HADHA: variants seen among roughly 807,000 people sequenced by gnomAD.
HADHA encodes hydroxyacyl-CoA dehydrogenase trifunctional multienzyme complex subunit alpha, also known as trifunctional enzyme subunit alpha, mitochondrial.
HADHA carries 59 observed loss-of-function variants against 91.3 expected under a neutral mutation model. The ratio of observed to expected loss-of-function variants is 0.65; its 90% CI spans 0.52 to 0.80. The LOEUF (loss-of-function observed/expected upper bound fraction) is 0.80. Among genes scored for constraint, HADHA ranks in the 30% least tolerant of loss-of-function variants. The probability of loss-of-function intolerance (pLI) is 0.00; values close to 1 mark genes in which losing one functional copy is unlikely to be tolerated. For synonymous variants in HADHA, 320 were observed against 338.9 expected (o/e 0.94, Z 0.61); for missense variants, 800 against 927.6 (o/e 0.86, Z 1.79).
chr2:26,221,288 G>A lies in HADHA; in HGVS notation c.677-6113C>T, dbSNP rs1296514790. Among the ~76,000 whole-genome samples, 1 of 152,150 alleles carries A rather than the reference G, an allele frequency of 6.6e-6. No individual in the cohort carries two copies. The highest frequency in any genetic ancestry group is 1.5e-5 in the Non-Finnish European group (1 of 68,026). The stretch of plus-strand genomic sequence containing the variant: ...GCAGCAGACAGAGGTGCTGTCTGGA[G>A]TCTTTAATAGATCTCTATTAGGTGA... On this transcript the variant is annotated intron_variant, in intron 7 of 19. Coordinates refer to ENST00000380649, the MANE Select transcript of HADHA (RefSeq NM_000182.5). The surrounding 1 kb of genome is among the most constrained non-coding windows in gnomAD (Gnocchi z 4.8).
At chr2:26,222,390 C>T (rs1360274984) in intron 7 of HADHA, among the ~76,000 whole-genome samples, 1 of 152,100 alleles carries the variant, frequency 6.6e-6, no homozygotes, top group African/African-American at 2.4e-5. Context: ...ACAAGGACAC[C>T]TGGGGAATAG....
rs573915726 is a variant in HADHA at position 26,216,803 on chromosome 2, C to A, written c.677-1628G>T. On this transcript the variant is annotated intron_variant, in intron 7 of 19. Coordinates refer to ENST00000380649, the MANE Select transcript of HADHA (RefSeq NM_000182.5). ...GCAGCTGCTGCACAACAGGAGAGCT[C>A]CAGAGCTCTAAAGAGCGGTCCTTGA... Among the ~76,000 whole-genome samples the A allele has an allele frequency of 2.0e-5, 3 of 152,266 alleles. No individual in the cohort carries two copies. In the East Asian group the frequency reaches 5.8e-4, roughly 29 times the overall value.
At chr2:26,191,879 C>CTT (rs991352957) in intron 18 of HADHA, among the ~76,000 whole-genome samples, 5 of 152,218 alleles carry the variant, frequency 3.3e-5, no homozygotes, top group Non-Finnish European at 5.9e-5. Context: ...ATCAGTATCT[C>CTT]TTTGACATCA....
In HADHA at chr2:26,191,110, G is replaced by A. The variant is rs1032145335; in HGVS notation, c.*140C>T. The A allele has an allele frequency of 3.7e-6, 3 of 803,908 alleles. No individual in the cohort carries two copies. The highest frequency in any genetic ancestry group is 6.3e-6 in the Non-Finnish European group (3 of 474,780). 49.8% of individuals were successfully genotyped at this position (803,908 alleles called of 1,614,324 possible). On this transcript the variant is annotated 3_prime_UTR_variant, in exon 20 of 20. Coordinates refer to ENST00000380649, the MANE Select transcript of HADHA (RefSeq NM_000182.5). ...GGAGGGAGAGATGGTCTTGGCTGAAGGCACTTTAATCAGGGAGCAAACCCA... is the reference window on the plus strand; with the variant it reads ...GGAGGGAGAGATGGTCTTGGCTGAAAGCACTTTAATCAGGGAGCAAACCCA...
intron 11 of HADHA, among the ~76,000 whole-genome samples, chr2:26,209,559 T>C (rs1485928679): frequency 6.6e-6 from 1 of 152,134 alleles, no homozygotes; most frequent in African/African-American, 2.4e-5. Flanking sequence ...CAAGAAAGCC[T>C]CTATAGGAAT....
chr2:26,216,508 A>G (rs1267464461), intron 7 of HADHA, among the ~76,000 whole-genome samples: 2 of 151,888 alleles, frequency 1.3e-5, no homozygotes, highest in Non-Finnish European at 2.9e-5. Flanking sequence ...TTTAGTAGAG[A>G]TGGGGTTTCA....
At chr2:26,193,501 G>A (rs745669641) in intron 17 of HADHA, 76 bp downstream of exon 17, 13 of 1,218,564 alleles carry the variant, frequency 1.1e-5, no homozygotes, top group African/African-American at 1.5e-5. Context: ...GAGGGCTTCT[G>A]TAACTCTTTG....
At chr2:26,198,369 G>GTTT (rs57357827) in intron 13 of HADHA, among the ~76,000 whole-genome samples, 6 of 147,000 alleles carry the variant, frequency 4.1e-5, no homozygotes, top group African/African-American at 1.3e-4. Context: ...ACTTATTCAT[G>GTTT]TTTTTTTTTT....
intron 12 of HADHA, among the ~76,000 whole-genome samples, chr2:26,202,288 A>T (rs1401310495): frequency 2.0e-5 from 3 of 152,210 alleles, no homozygotes; most frequent in Non-Finnish European, 4.4e-5. Context: ...TTTCGTCGCC[A>T]AGGGAAACAG....
At chr2:26,233,538 T>C (rs1335450578) in intron 5 of HADHA, among the ~76,000 whole-genome samples, 1 of 152,186 alleles carries the variant, frequency 6.6e-6, no homozygotes, top group Non-Finnish European at 1.5e-5. Flanking sequence ...TTCTATTATT[T>C]ACCGTCTTTA....
chr2:26,214,254 C>T lies in HADHA; in HGVS notation c.918+189G>A, dbSNP rs1670165591. On this transcript the variant is annotated intron_variant, in intron 9 of 19. Transcript: ENST00000380649. This position sits in a 1 kb window ranked among gnomAD's most constrained non-coding sequence, Gnocchi z 4.1. Reference sequence around the variant, plus strand: ...AATGAGTAAGTCCAGCACTGATTTTCCCCAAATATATCACTTTATATGAGT... The same window carrying T: ...AATGAGTAAGTCCAGCACTGATTTTTCCCAAATATATCACTTTATATGAGT... 6.6e-6 allele frequency among the ~76,000 whole-genome samples: 1 copy of T among 152,206 alleles called. No individual in the cohort carries two copies.
At chr2:26,238,302 C>A (rs115413082) in intron 3 of HADHA, among the ~76,000 whole-genome samples, 2,752 of 152,186 alleles carry the variant, frequency 0.018, 82 homozygotes, top group African/African-American at 0.061. Flanking sequence ...CAGTGCCCAG[C>A]CTGGCTACAA....
intron 1 of HADHA, among the ~76,000 whole-genome samples, 174 bp from the exon 2 acceptor site, chr2:26,239,317 A>T (rs905010255): frequency 3.9e-5 from 6 of 152,212 alleles, no homozygotes; most frequent in African/African-American, 1.2e-4. Context: ...GTTAGGTCAG[A>T]TGATTATTTG....
intron 15 of HADHA, 54 bp downstream of exon 15, chr2:26,195,036 AGG>A (rs1483312351): frequency 1.5e-6 from 2 of 1,363,618 alleles, no homozygotes; most frequent in African/African-American, 2.9e-5. Context: ...TGGAGGTAAA[AGG>A]AGTCTTATTA....
chr2:26,206,387 C>G (rs1031295601), intron 11 of HADHA, among the ~76,000 whole-genome samples: 7 of 151,990 alleles, frequency 4.6e-5, no homozygotes, highest in Non-Finnish European at 7.4e-5. Flanking sequence ...CACCACCACA[C>G]CCAGCTAATT....
chr2:26,230,602 G>T (rs1043139545), intron 6 of HADHA, among the ~76,000 whole-genome samples: 27 of 151,886 alleles, frequency 1.8e-4, no homozygotes, highest in East Asian at 3.9e-4. Context: ...ATTCTGAGGG[G>T]TTTTTTTCTA....
At chr2:26,233,361 T>G (rs910061009) in intron 5 of HADHA, among the ~76,000 whole-genome samples, 23 of 152,246 alleles carry the variant, frequency 1.5e-4, no homozygotes, top group Non-Finnish European at 2.5e-4. Flanking sequence ...ATAGAACCAC[T>G]GCTGTATGTG....
intron 7 of HADHA, among the ~76,000 whole-genome samples, chr2:26,223,785 C>T (rs1408828474): frequency 6.6e-6 from 1 of 152,086 alleles, no homozygotes; most frequent in African/African-American, 2.4e-5. Context: ...TTCACTCTGT[C>T]GCCCAGGCTG....
At chr2:26,236,420 G>GTA (rs1553315922) in intron 4 of HADHA, among the ~76,000 whole-genome samples, 18,902 of 116,060 alleles carry the variant, frequency 0.16, 2,290 homozygotes, top group East Asian at 0.35. Context: ...GTGTGTGTGT[G>GTA]TATATACTTT....
Sources: gnomAD v4.1 joint callset for allele counts (sites outside exome capture counted in the v4.1 genomes callset) on GRCh38, gnomAD v4.1.1 for gene constraint, Gnocchi (gnomAD v3.1) non-coding constraint, MANE v1.5 for transcripts, NCBI Gene and HGNC (gene_info 2026-07-23, HGNC 2026-07-21) for gene names.